NRIP1: variants seen among roughly 807,000 people sequenced by gnomAD.
NRIP1 encodes the protein nuclear receptor interacting protein 1.
A neutral mutation model predicts 75.0 loss-of-function variants in NRIP1; 28 were observed. The observed-to-expected ratio is 0.37, with a 90% CI of 0.28 to 0.51. NRIP1 has a LOEUF of 0.51. Ranked by LOEUF, NRIP1 falls within the 20% of genes least tolerant of loss-of-function variation. The pLI, the probability that NRIP1 is intolerant of heterozygous loss-of-function variation, is 0.92. For synonymous variants in NRIP1, 526 were observed against 487.6 expected (o/e 1.08, Z -1.04); for missense variants, 1,435 against 1,343.7 (o/e 1.07, Z -1.06).
At chr21:15,015,122 T>C (rs2088194824) in intron 2 of NRIP1, among the ~76,000 whole-genome samples, 1 of 152,184 alleles carries the variant, frequency 6.6e-6, no homozygotes, top group Non-Finnish European at 1.5e-5. Context: ...AAAATAAATA[T>C]GGATGAATCT....
chr21:14,997,938 TTATTTTCCAGTAATTG>T (rs2087768715), intron 3 of NRIP1, among the ~76,000 whole-genome samples: 1 of 152,052 alleles, frequency 6.6e-6, no homozygotes, highest in Non-Finnish European at 1.5e-5. Context: ...GCCTGGAGAT[TTATTTTCCAGTAATTG>T]GAAGGAAAGG....
Position 14,964,656 on chromosome 21 carries a change from A to T in NRIP1, c.*60T>A, listed in dbSNP as rs1568933742. 8.0e-7 allele frequency: 1 copy of T among 1,248,484 alleles called. No individual in the cohort carries two copies. Among genetic ancestry groups the T allele is most frequent in the Non-Finnish European group, 1.1e-6 (1 of 906,476 alleles). The allele number at this position is 1,248,484 out of a possible 1,614,324, so 77.3% of individuals were successfully genotyped here. A position where few individuals can be genotyped will look rare whatever the true frequency, so the allele number is the denominator to read the frequency against. On this transcript the variant is annotated 3_prime_UTR_variant, in exon 4 of 4. Coordinates refer to ENST00000318948, the MANE Select transcript of NRIP1 (RefSeq NM_003489.4). ...TTTCAAATCATGCTCTTATTTATAC[A>T]GATCTCAAGTTCATACTCATTAGTT... is the stretch of plus-strand genomic sequence containing the variant.
At chr21:15,005,289 T>A (rs564598444) in intron 3 of NRIP1, among the ~76,000 whole-genome samples, 1 of 152,320 alleles carries the variant, frequency 6.6e-6, no homozygotes, top group South Asian at 2.1e-4. Flanking sequence ...ACATGTGTTC[T>A]AATTAAGAGA....
chr21:15,029,914 C>A (rs549707592), intron 2 of NRIP1, among the ~76,000 whole-genome samples: 1 of 152,220 alleles, frequency 6.6e-6, no homozygotes, highest in Non-Finnish European at 1.5e-5. Flanking sequence ...CATATCCTCA[C>A]CAGCTGTGAC....
chr21:14,984,411 C>A (rs1260359597), intron 3 of NRIP1, among the ~76,000 whole-genome samples: 10 of 148,976 alleles, frequency 6.7e-5, no homozygotes, highest in African/African-American at 2.2e-4. Flanking sequence ...GATCCTCCCA[C>A]ATCGGCCTCC....
intron 1 of NRIP1, among the ~76,000 whole-genome samples, chr21:15,064,118 G>A (rs1455703795): frequency 1.3e-5 from 2 of 152,236 alleles, no homozygotes; most frequent in Non-Finnish European, 2.9e-5. Flanking sequence ...GACTTCCACC[G>A]GGCTCACCCT....
chr21:15,003,008 C>T lies in NRIP1; in HGVS notation c.-335+11336G>A, dbSNP rs183433228. 3.2e-3 allele frequency among the ~76,000 whole-genome samples: 484 copies of T among 152,216 alleles called. 1 individual carries two copies. The highest frequency in any genetic ancestry group is 0.011 in the African/African-American group (448 of 41,540). Reference sequence around the variant, plus strand: ...CACCTTTAACACTTCATAATTATGGCATCACGGTGGTATGGTTAATCTTAT... The same window carrying T: ...CACCTTTAACACTTCATAATTATGGTATCACGGTGGTATGGTTAATCTTAT... On this transcript the variant is annotated intron_variant, in intron 3 of 3. Transcript: ENST00000318948.
In NRIP1 at chr21:14,983,754, T is replaced by C. The variant is rs117885112; in HGVS notation, c.-334-15228A>G. On this transcript the variant is annotated intron_variant, in intron 3 of 3. Transcript: ENST00000318948. ...CAATGCTCATATACCATTCCAAAAA[T>C]CCTAAACCCTTAAAAATGACGATAA... 2.4e-3 allele frequency among the ~76,000 whole-genome samples: 371 copies of C among 152,238 alleles called. 1 individual carries two copies. The highest frequency in any genetic ancestry group is 3.8e-3 in the Non-Finnish European group (260 of 68,014).
chr21:15,026,666 A>AAAAAC lies in NRIP1; in HGVS notation c.-457-12205_-457-12201dup, dbSNP rs761713950. On this transcript the variant is annotated intron_variant, in intron 2 of 3. Transcript: ENST00000318948. ...GTAAGTATATCAACATAGGTATATC[A>AAAAAC]AAAACAAAACAAAACAAAACAATAA... 1.3e-3 allele frequency among the ~76,000 whole-genome samples: 193 copies of AAAAAC among 152,274 alleles called. 4 individuals are homozygous for AAAAAC. The highest frequency in any genetic ancestry group is 3.9e-3 in the African/African-American group (163 of 41,558).
Position 15,031,661 on chromosome 21 carries a change from C to CT in NRIP1, c.-458+11833dup, listed in dbSNP as rs541229889. On this transcript the variant is annotated intron_variant, in intron 2 of 3. Transcript: ENST00000318948. ...GGCGCTCGGAGGATCACTACATTCC[C>CT]TTTCTATGTGTATACACTCTGGAAG... Among the ~76,000 whole-genome samples, 5 of 90,654 alleles carry CT rather than the reference C, an allele frequency of 5.5e-5. 1 individual carries two copies. Among genetic ancestry groups the CT allele is most frequent in the African/African-American group, 3.6e-4 (5 of 13,946 alleles). The allele number at this position is 90,654 out of a possible 152,430, so 59.5% of individuals were successfully genotyped here.
In NRIP1 at chr21:14,967,880, T is replaced by C; in HGVS notation, c.313A>G (p.Ile105Val). ...AAKRKRLSDS[I>V]MNLNVKKEAL... is the part of the protein sequence containing the mutation. ...TCCTTCTTTACGTTTAAATTCATGA[T>C]AGAATCAGACAGCCTCTTCCGCTTT... Residue 105 changes from isoleucine (I) to valine (V), a missense_variant, in exon 4 of 4, where the codon ATC becomes GTC. Coordinates refer to ENST00000318948, the MANE Select transcript of NRIP1 (RefSeq NM_003489.4). The C allele has an allele frequency of 2.5e-6, 4 of 1,614,128 alleles. No individual in the cohort carries two copies. The highest frequency in any genetic ancestry group is 3.4e-6 in the Non-Finnish European group (4 of 1,180,018).
chr21:14,991,919 C>A (rs1440262418), intron 3 of NRIP1, among the ~76,000 whole-genome samples: 3 of 152,124 alleles, frequency 2.0e-5, no homozygotes, highest in African/African-American at 4.8e-5. Flanking sequence ...TAGCAAGAAA[C>A]CTCATCCAGA....
chr21:14,975,697 G>A lies in NRIP1; in HGVS notation c.-334-7171C>T, dbSNP rs535035791. On this transcript the variant is annotated intron_variant, in intron 3 of 3. Coordinates refer to ENST00000318948, the MANE Select transcript of NRIP1 (RefSeq NM_003489.4). ...AAAGAAAGAAAGGGAGGGGAGGGGA[G>A]GAATAGAATGACGGTAAAACAGTGA... Among the ~76,000 whole-genome samples the A allele has an allele frequency of 1.9e-4, 28 of 147,918 alleles. No homozygotes were observed. In the Middle Eastern group the frequency reaches 0.011, roughly 57 times the overall value.
At chr21:15,007,992 G>C (rs1216774900) in intron 3 of NRIP1, among the ~76,000 whole-genome samples, 1 of 152,102 alleles carries the variant, frequency 6.6e-6, no homozygotes, top group African/African-American at 2.4e-5. Flanking sequence ...CAGCCATCTT[G>C]GTATTCCGAT....
intron 3 of NRIP1, chr21:14,992,700 C>T (rs892643437): frequency 2.6e-5 from 4 of 151,988 alleles, no homozygotes; most frequent in Non-Finnish European, 5.9e-5. Flanking sequence ...TTTCAATATG[C>T]TAAAAACATC....
At chr21:15,035,291 T>C (rs2088806565) in intron 2 of NRIP1, among the ~76,000 whole-genome samples, 1 of 152,186 alleles carries the variant, frequency 6.6e-6, no homozygotes, top group African/African-American at 2.4e-5. Flanking sequence ...ATATCTCAAA[T>C]AAATGTTTTC....
At chr21:15,025,959 A>G (rs1261843622) in intron 2 of NRIP1, among the ~76,000 whole-genome samples, 1 of 152,168 alleles carries the variant, frequency 6.6e-6, no homozygotes, top group South Asian at 2.1e-4. Context: ...TGAAAAGGAC[A>G]TTATCGGGAC....
chr21:15,023,301 T>C (rs1191207076), intron 2 of NRIP1, among the ~76,000 whole-genome samples: 2 of 152,242 alleles, frequency 1.3e-5, no homozygotes, highest in Non-Finnish European at 2.9e-5. Flanking sequence ...GGTAAAAACC[T>C]AGATCTCTAA....
In NRIP1 at chr21:14,961,414, T is replaced by C. The variant is rs998170233; in HGVS notation, c.*3302A>G. On this transcript the variant is annotated 3_prime_UTR_variant, in exon 4 of 4. Transcript: ENST00000318948. ...ACTGAGCAGATCGCATCAAATTTGG[T>C]TGTGTAAACACCAGAATTCTTACTA... 6.6e-6 allele frequency: 1 copy of C among 152,426 alleles called. No homozygotes were observed. The highest frequency in any genetic ancestry group is 1.5e-5 in the Non-Finnish European group (1 of 67,906). 9.4% of individuals were successfully genotyped at this position (152,426 alleles called of 1,614,324 possible). A position where few individuals can be genotyped will look rare whatever the true frequency, so the allele number is the denominator to read the frequency against.
Sources: allele counts gnomAD v4.1 joint callset (sites outside exome capture counted in the v4.1 genomes callset), GRCh38; gene constraint gnomAD v4.1.1; transcripts MANE v1.5; gene names NCBI Gene and HGNC (gene_info 2026-07-23, HGNC 2026-07-21).